PPP1R13B: variants seen among roughly 807,000 people sequenced by gnomAD.
PPP1R13B encodes protein phosphatase 1 regulatory subunit 13B, also known as apoptosis-stimulating of p53 protein 1.
Under a neutral mutation model 119.8 loss-of-function variants are expected in PPP1R13B, and 44 were observed. That is an observed-to-expected ratio of 0.37 (90% CI 0.29 to 0.47). The LOEUF (loss-of-function observed/expected upper bound fraction) is 0.47, where lower values mean the gene tolerates loss of function less well. Ranked by LOEUF, PPP1R13B falls within the 20% of genes least tolerant of loss-of-function variation. The pLI is 0.99. For missense variants in PPP1R13B, 1,227 were observed against 1,413.5 expected (o/e 0.87, Z 2.12); for synonymous variants, 542 against 561.5 (o/e 0.97, Z 0.49).
chr14:103,749,898 G>C lies in PPP1R13B; in HGVS notation c.865C>G (p.Leu289Val), dbSNP rs750796663. 6.2e-7 allele frequency: 1 copy of C among 1,614,054 alleles called. No homozygotes were observed. Among genetic ancestry groups the C allele is most frequent in the African/African-American group, 1.3e-5 (1 of 75,050 alleles). The change falls in exon 8 of 17, where the codon CTT becomes GTT. Residue 289 changes from leucine (L) to valine (V), a missense_variant. By Grantham distance (32) the Leu-to-Val change is conservative. Transcript: ENST00000202556. ...TTTAAGAGTTCCTTCTGCTGCTGAA[G>C]TTTTGAATTTTGTTCCTGGTTAAGT... is the stretch of plus-strand genomic sequence containing the variant. ...NQLNQEQNSK[L>V]QQQKELLNKR...
intron 4 of PPP1R13B, among the ~76,000 whole-genome samples, chr14:103,770,060 T>C (rs1332470748): frequency 2.7e-5 from 4 of 147,254 alleles, no homozygotes; most frequent in African/African-American, 7.5e-5. Context: ...GTGAATAACT[T>C]TTTTTTTTTT....
rs766723666 is a variant in PPP1R13B at position 103,739,899 on chromosome 14, C to T, written c.2517G>A (p.Glu839=). ...TTEQIPSPVA[E]APSPGEEQVP... ...CCTGCTCTTCCCCTGGAGATGGGGC[C>T]TCAGCCACAGGACTCGGGATCTGCT... Residue 839 remains glutamate, a synonymous_variant, in exon 12 of 17, where the codon GAG becomes GAA. Coordinates refer to ENST00000202556, the MANE Select transcript of PPP1R13B (RefSeq NM_015316.3). 1.9e-6 allele frequency: 3 copies of T among 1,614,014 alleles called. No homozygotes were observed. The East Asian group carries it at 6.7e-5, about 36-fold the overall frequency.
chr14:103,837,926 C>T (rs2086815106), intron 1 of PPP1R13B, among the ~76,000 whole-genome samples: 3 of 152,108 alleles, frequency 2.0e-5, no homozygotes. Context: ...CAAGACCAGC[C>T]TGGACAACAT....
In PPP1R13B at chr14:103,762,892, A is replaced by G. The variant is rs2084843397; in HGVS notation, c.355-5141T>C. 4 of 992,636 alleles carry G rather than the reference A, an allele frequency of 4.0e-6. No homozygotes were observed. The Admixed American group carries it at 7.9e-5, about 20-fold the overall frequency. The allele number at this position is 992,636 out of a possible 1,614,324, so 61.5% of individuals were successfully genotyped here. On this transcript the variant is annotated intron_variant, in intron 4 of 16. Coordinates refer to ENST00000202556, the MANE Select transcript of PPP1R13B (RefSeq NM_015316.3). ...AAGAAGGACAAGACACAGTGGAATCAGAGCAAATTTCCATCAGGACAAACA... is the reference window on the plus strand; with the variant it reads ...AAGAAGGACAAGACACAGTGGAATCGGAGCAAATTTCCATCAGGACAAACA...
At position 103,741,930 on chromosome 14, in the gene PPP1R13B, C is replaced by T. The variant is rs187707451; in HGVS notation, c.1682G>A (p.Gly561Glu). ...VAIRPFLADKGSRPQSPRKGP... is the reference protein window; with the variant it reads ...VAIRPFLADKESRPQSPRKGP... ...TTTCCTGGGAGACTGTGGCCTTGACCCTTTATCAGCCAGGAAAGGCCTAAT... is the reference window on the plus strand; with the variant it reads ...TTTCCTGGGAGACTGTGGCCTTGACTCTTTATCAGCCAGGAAAGGCCTAAT... Residue 561 changes from glycine to glutamate, a missense_variant, in exon 11 of 17, where the codon GGG becomes GAG. Coordinates refer to ENST00000202556, the MANE Select transcript of PPP1R13B (RefSeq NM_015316.3). 3.1e-6 allele frequency: 5 copies of T among 1,614,072 alleles called. No individual in the cohort carries two copies. The African/African-American group carries it at 5.3e-5, about 17-fold the overall frequency.
At position 103,847,480 on chromosome 14, in the gene PPP1R13B, G is replaced by A; in HGVS notation, c.-173C>T. ...CTGCGGGGCTCTCGCTGGCCCTGTC[G>A]CGGCCGCCGGCGCGCTGCGTCGCTG... is the stretch of plus-strand genomic sequence containing the variant. On this transcript the variant is annotated 5_prime_UTR_variant, in exon 1 of 17. Coordinates refer to ENST00000202556, the MANE Select transcript of PPP1R13B (RefSeq NM_015316.3). 1.0e-6 allele frequency: 1 copy of A among 986,510 alleles called. No homozygotes were observed. Among genetic ancestry groups the A allele is most frequent in the South Asian group, 4.5e-5 (1 of 22,140 alleles). 61.1% of individuals were successfully genotyped at this position (986,510 alleles called of 1,614,324 possible).
At chr14:103,783,742 G>C (rs77541194) in intron 3 of PPP1R13B, among the ~76,000 whole-genome samples, 4,790 of 151,900 alleles carry the variant, frequency 0.032, 211 homozygotes, top group African/African-American at 0.098. Context: ...GTAGAGATGG[G>C]GTTTTGCCAT....
intron 4 of PPP1R13B, 43 bp from the exon 5 acceptor site, chr14:103,757,794 T>A (rs746512641): frequency 1.3e-6 from 2 of 1,536,074 alleles, no homozygotes; most frequent in Non-Finnish European, 1.8e-6. Context: ...TTTATCTGCA[T>A]AATTGTCTGT....
intron 1 of PPP1R13B, chr14:103,846,735 T>A (rs558421145): frequency 1.4e-4 from 65 of 456,030 alleles, no homozygotes; most frequent in Non-Finnish European, 2.6e-4. Context: ...TCGTTCAACC[T>A]TCAGAACACG....
At position 103,813,665 on chromosome 14, in the gene PPP1R13B, ATTACCCAG is replaced by A. The variant is rs201732873; in HGVS notation, c.10-16155_10-16148del. Among the ~76,000 whole-genome samples the A allele has an allele frequency of 6.5e-3, 995 of 152,250 alleles. 19 individuals carry two copies. Among genetic ancestry groups the A allele is most frequent in the East Asian group, 0.06 (309 of 5,182 alleles). ...TACATTAAATCTCTTTCCTTTATAA[ATTACCCAG>A]TCTCCGGTAGTTCTTTATAGCAGGG... On this transcript the variant is annotated intron_variant, in intron 1 of 16. Coordinates refer to ENST00000202556, the MANE Select transcript of PPP1R13B (RefSeq NM_015316.3).
chr14:103,846,975 A>T (rs1014860182), intron 1 of PPP1R13B: 2 of 1,195,312 alleles, frequency 1.7e-6, no homozygotes, highest in Admixed American at 6.9e-5. Context: ...TGCGCCACCC[A>T]CCAGACCTGT....
Position 103,742,504 on chromosome 14 carries a change from C to A in PPP1R13B, c.1320+150G>T. On this transcript the variant is annotated intron_variant, in intron 10 of 16. Transcript: ENST00000202556. This position sits in a 1 kb window ranked among gnomAD's most constrained non-coding sequence, Gnocchi z 4.9. ...CGTGGGCTGCTCAGGCTCTTAGGGC[C>A]CAGTAACCCTCTAGGACTTTGGGTG... is the stretch of plus-strand genomic sequence containing the variant. 1 of 1,276,504 alleles carries A rather than the reference C, an allele frequency of 7.8e-7. No individual in the cohort carries two copies. The highest frequency in any genetic ancestry group is 2.4e-5 in the East Asian group (1 of 42,366). 79.1% of individuals were successfully genotyped at this position (1,276,504 alleles called of 1,614,324 possible).
chr14:103,803,635 T>C (rs2085952146), intron 1 of PPP1R13B, among the ~76,000 whole-genome samples: 1 of 152,130 alleles, frequency 6.6e-6, no homozygotes, highest in Admixed American at 6.5e-5. Context: ...AGAGCGAGAC[T>C]CCGTCTCAAA....
chr14:103,797,177 C>A, intron 2 of PPP1R13B, 194 bp downstream of exon 2: 2 of 437,248 alleles, frequency 4.6e-6, no homozygotes, highest in Admixed American at 4.1e-5. Context: ...ATTTTAATTA[C>A]TCAGTTCTTT....
intron 1 of PPP1R13B, among the ~76,000 whole-genome samples, chr14:103,826,394 C>T (rs1427803605): frequency 6.6e-6 from 1 of 152,168 alleles, no homozygotes; most frequent in Non-Finnish European, 1.5e-5. Context: ...TTGAAACCCA[C>T]CTGCTTCACC....
At chr14:103,746,005 C>T (rs1455390807) in intron 9 of PPP1R13B, among the ~76,000 whole-genome samples, 1 of 152,148 alleles carries the variant, frequency 6.6e-6, no homozygotes, top group East Asian at 1.9e-4. Context: ...AGGGTTTCAC[C>T]ATGTTGGCCA....
chr14:103,770,058 C>CT lies in PPP1R13B; in HGVS notation c.354+8686dup, dbSNP rs879520593. Among the ~76,000 whole-genome samples the CT allele has an allele frequency of 1.0e-3, 150 of 144,982 alleles. No individual in the cohort carries two copies. The Middle Eastern group carries it at 0.021, about 20-fold the overall frequency. ...TATTTTAGTCTATAAATGTGAATAA[C>CT]TTTTTTTTTTTTTTAAACAGAAATG... On this transcript the variant is annotated intron_variant, in intron 4 of 16. Coordinates refer to ENST00000202556, the MANE Select transcript of PPP1R13B (RefSeq NM_015316.3).
chr14:103,779,545 T>A (rs1362196986), intron 3 of PPP1R13B, among the ~76,000 whole-genome samples: 3 of 149,952 alleles, frequency 2.0e-5, no homozygotes, highest in East Asian at 2.0e-4. Context: ...TCTCCCAAGG[T>A]GGGAGGATCA....
intron 11 of PPP1R13B, among the ~76,000 whole-genome samples, chr14:103,741,123 C>T (rs1459628752): frequency 6.6e-6 from 1 of 152,226 alleles, no homozygotes; most frequent in African/African-American, 2.4e-5. Context: ...AGTGACTAGG[C>T]ACGTCCAGGA....
Sources: gnomAD v4.1 joint callset for allele counts (sites outside exome capture counted in the v4.1 genomes callset) on GRCh38, gnomAD v4.1.1 for gene constraint, Gnocchi (gnomAD v3.1) non-coding constraint, MANE v1.5 for transcripts, NCBI Gene and HGNC (gene_info 2026-07-23, HGNC 2026-07-21) for gene names.